The following RBMS3 variants were observed in gnomAD, a reference collection of about 807,000 sequenced individuals.
RBMS3 encodes RNA-binding motif, single-stranded-interacting protein 3.
Under a neutral mutation model 66.8 loss-of-function variants are expected in RBMS3, and 27 were observed. That is an observed-to-expected ratio of 0.40 (90% confidence interval 0.30 to 0.56). The LOEUF (loss-of-function observed/expected upper bound fraction) is 0.56, where lower values mean the gene tolerates loss of function less well. Among genes scored for constraint, RBMS3 ranks in the 20% least tolerant of loss-of-function variants. The pLI is 0.40. For synonymous variants in RBMS3, 188 were observed against 183.0 expected (o/e 1.03, Z -0.22); for missense variants, 513 against 549.5 (o/e 0.93, Z 0.66).
chr3:29,597,389 G>T (rs2047981463), intron 4 of RBMS3, among the ~76,000 whole-genome samples: 1 of 152,126 alleles, frequency 6.6e-6, no homozygotes, highest in Non-Finnish European at 1.5e-5. Context: ...ATTACACTAT[G>T]ATGTGTATCA....
At chr3:29,507,095 T>C (rs970951379) in intron 3 of RBMS3, among the ~76,000 whole-genome samples, 1 of 151,242 alleles carries the variant, frequency 6.6e-6, no homozygotes, top group Non-Finnish European at 1.5e-5. Flanking sequence ...TGATCTTTGT[T>C]TTTTTTTATT....
At chr3:29,786,760 C>G (rs954062317) in intron 6 of RBMS3, among the ~76,000 whole-genome samples, 1 of 152,118 alleles carries the variant, frequency 6.6e-6, no homozygotes, top group African/African-American at 2.4e-5. Flanking sequence ...ATCAGAAAAA[C>G]CTTTCTAGAC....
At chr3:29,431,873 A>G (rs1042574759) in intron 1 of RBMS3, among the ~76,000 whole-genome samples, 1 of 152,060 alleles carries the variant, frequency 6.6e-6, no homozygotes, top group Non-Finnish European at 1.5e-5. Context: ...CCACAGGCAC[A>G]TGGTACCACA....
chr3:29,908,056 T>A (rs1216835409), intron 10 of RBMS3, among the ~76,000 whole-genome samples: 1 of 151,890 alleles, frequency 6.6e-6, no homozygotes, highest in Non-Finnish European at 1.5e-5. Context: ...GAGACCAGCC[T>A]GGGGCAACAT....
chr3:29,464,206 CA>C (rs1472666856), intron 2 of RBMS3, among the ~76,000 whole-genome samples: 2 of 152,026 alleles, frequency 1.3e-5, no homozygotes, highest in African/African-American at 2.4e-5. Flanking sequence ...TTAGAAAAAC[CA>C]TGCGTAAGTC....
intron 4 of RBMS3, among the ~76,000 whole-genome samples, chr3:29,627,867 A>C (rs938125150): frequency 1.3e-5 from 2 of 152,096 alleles, no homozygotes; most frequent in Non-Finnish European, 2.9e-5. Flanking sequence ...CTAATGCTCC[A>C]TTATGTATCT....
chr3:29,851,354 G>A (rs1250380091), intron 6 of RBMS3, among the ~76,000 whole-genome samples: 1 of 152,160 alleles, frequency 6.6e-6, no homozygotes. Flanking sequence ...ATAAGGAGGT[G>A]GGGATCGTTT....
intron 3 of RBMS3, among the ~76,000 whole-genome samples, chr3:29,565,713 A>G (rs1213817352): frequency 6.6e-6 from 1 of 152,198 alleles, no homozygotes; most frequent in African/African-American, 2.4e-5. Flanking sequence ...AACACTAGAT[A>G]TCCTTGTTTT....
chr3:29,427,731 A>G (rs1575786027), intron 1 of RBMS3, among the ~76,000 whole-genome samples: 1 of 152,208 alleles, frequency 6.6e-6, no homozygotes. Context: ...ATAGGAGGTG[A>G]ATAAAAACAA....
intron 4 of RBMS3, among the ~76,000 whole-genome samples, chr3:29,678,243 A>G (rs1456303986): frequency 6.6e-6 from 1 of 152,150 alleles, no homozygotes; most frequent in African/African-American, 2.4e-5. Context: ...GGAGATAAGA[A>G]GAGAAGGGAT....
At chr3:29,500,752 A>G (rs1164864011) in intron 3 of RBMS3, among the ~76,000 whole-genome samples, 3 of 152,194 alleles carry the variant, frequency 2.0e-5, no homozygotes, top group Middle Eastern at 3.4e-3. Flanking sequence ...CAATAATGAA[A>G]TCACCTAAGG....
chr3:29,560,974 A>C (rs546012802), intron 3 of RBMS3, among the ~76,000 whole-genome samples: 1 of 152,312 alleles, frequency 6.6e-6, no homozygotes, highest in South Asian at 2.1e-4. Context: ...CCAACTTATA[A>C]GTGATAACAT....
chr3:29,531,420 C>T (rs550154986), intron 3 of RBMS3, among the ~76,000 whole-genome samples: 30 of 152,194 alleles, frequency 2.0e-4, no homozygotes, highest in Non-Finnish European at 3.7e-4. Context: ...ACTAATGACT[C>T]CATGGTGATG....
At chr3:29,283,759 C>T (rs4680816) in intron 1 of RBMS3, among the ~76,000 whole-genome samples, 27,203 of 152,118 alleles carry the variant, frequency 0.18, 2,778 homozygotes, top group Admixed American at 0.27. Context: ...TGGTAGTTCA[C>T]ATTGATTATT....
intron 6 of RBMS3, among the ~76,000 whole-genome samples, chr3:29,819,787 A>G (rs1559705419): frequency 6.6e-6 from 1 of 152,176 alleles, no homozygotes; most frequent in Admixed American, 6.5e-5. Context: ...GGCTCAAAAG[A>G]CATTTTCTAG....
At chr3:29,837,409 C>T (rs1376776849) in intron 6 of RBMS3, among the ~76,000 whole-genome samples, 1 of 151,278 alleles carries the variant, frequency 6.6e-6, no homozygotes. Flanking sequence ...AATTGTTATA[C>T]ATTTAGAACA....
intron 1 of RBMS3, among the ~76,000 whole-genome samples, chr3:29,377,133 G>A (rs2038518573): frequency 1.3e-5 from 2 of 151,764 alleles, no homozygotes; most frequent in African/African-American, 4.8e-5. Context: ...GGCACAATAT[G>A]TAATGCTATT....
chr3:29,967,878 A>ATTTTATT (rs1432989762), intron 12 of RBMS3, among the ~76,000 whole-genome samples: 1 of 152,082 alleles, frequency 6.6e-6, no homozygotes, highest in African/African-American at 2.4e-5. Context: ...AATCTTACTA[A>ATTTTATT]TGTCCTGTTA....
intron 6 of RBMS3, among the ~76,000 whole-genome samples, chr3:29,776,915 G>GTA (rs748396473): frequency 2.0e-4 from 30 of 151,888 alleles, no homozygotes; most frequent in Non-Finnish European, 3.4e-4. Context: ...ATTGGAAAGA[G>GTA]TATAGCATCA....
Sources: allele counts gnomAD v4.1 joint callset (sites outside exome capture counted in the v4.1 genomes callset), GRCh38; gene constraint gnomAD v4.1.1; transcripts MANE v1.5; gene names NCBI Gene and HGNC (gene_info 2026-07-23, HGNC 2026-07-21).